The following RASGEF1A variants were observed in gnomAD, a reference collection of about 807,000 sequenced individuals.
RASGEF1A encodes RasGEF domain family member 1A, also known as ras-GEF domain-containing family member 1A.
A neutral mutation model predicts 56.4 loss-of-function variants in RASGEF1A; 18 were observed. The observed-to-expected ratio is 0.32, with a 90% confidence interval of 0.22 to 0.47. The LOEUF is 0.47. RASGEF1A is among the 20% of genes least tolerant of loss of function. The pLI, the probability that RASGEF1A is intolerant of heterozygous loss-of-function variation, is 1.00. For missense variants in RASGEF1A, 422 were observed against 627.1 expected, an observed-to-expected ratio of 0.67 and a Z score of 3.49; for synonymous variants, 245 against 242.6, an observed-to-expected ratio of 1.01 and a Z score of -0.09.
intron 1 of RASGEF1A, among the ~76,000 whole-genome samples, chr10:43,264,881 T>C (rs1466405909): frequency 6.6e-6 from 1 of 152,136 alleles, no homozygotes; most frequent in African/African-American, 2.4e-5. Context: ...GCACCTTCAC[T>C]TGACCTATTT....
intron 1 of RASGEF1A, among the ~76,000 whole-genome samples, chr10:43,259,855 G>A (rs907586537): frequency 3.9e-5 from 6 of 152,100 alleles, no homozygotes; most frequent in Admixed American, 3.3e-4. Flanking sequence ...CACACAGGCA[G>A]GGGAAACCAC....
At chr10:43,253,359 T>A (rs757166626) in intron 1 of RASGEF1A, among the ~76,000 whole-genome samples, 1 of 152,218 alleles carries the variant, frequency 6.6e-6, no homozygotes, top group East Asian at 1.9e-4. Flanking sequence ...AGAGTGGGTA[T>A]GGCCCCCAAA....
chr10:43,264,215 G>C (rs1377643823), intron 1 of RASGEF1A, among the ~76,000 whole-genome samples: 1 of 151,654 alleles, frequency 6.6e-6, no homozygotes, highest in Non-Finnish European at 1.5e-5. Flanking sequence ...TTCTGCATGG[G>C]TTCCTGGCAG....
intron 1 of RASGEF1A, among the ~76,000 whole-genome samples, chr10:43,245,214 TC>T (rs199662128): frequency 0.011 from 1,703 of 152,220 alleles, 35 homozygotes; most frequent in African/African-American, 0.039. Flanking sequence ...ATGGGAAAAT[TC>T]CTAGAGAAAC....
intron 1 of RASGEF1A, among the ~76,000 whole-genome samples, chr10:43,245,308 A>C (rs1185328351): frequency 6.6e-6 from 1 of 152,188 alleles, no homozygotes; most frequent in Non-Finnish European, 1.5e-5. Flanking sequence ...CTTGCCCACA[A>C]AGAAAAGCCC....
chr10:43,252,459 G>A (rs540037368), intron 1 of RASGEF1A, among the ~76,000 whole-genome samples: 2 of 152,128 alleles, frequency 1.3e-5, no homozygotes, highest in South Asian at 2.1e-4. Flanking sequence ...GCCGGGGCTC[G>A]GCATCCAGCA....
chr10:43,214,298 C>T (rs1334372308), intron 1 of RASGEF1A, among the ~76,000 whole-genome samples: 2 of 152,226 alleles, frequency 1.3e-5, no homozygotes, highest in African/African-American at 4.8e-5. Flanking sequence ...TCACTTTCCA[C>T]TCCCGAATGT....
At chr10:43,200,052 T>A in intron 6 of RASGEF1A, 130 bp downstream of exon 6, 1 of 739,646 alleles carries the variant, frequency 1.4e-6, no homozygotes, top group Non-Finnish European at 2.3e-6. Flanking sequence ...GCCACATCCA[T>A]CGGGGCTCAT....
intron 1 of RASGEF1A, among the ~76,000 whole-genome samples, chr10:43,251,718 G>A (rs982695268): frequency 6.6e-6 from 1 of 152,128 alleles, no homozygotes; most frequent in African/African-American, 2.4e-5. Flanking sequence ...CTGTCCAGAC[G>A]GTTGGGAATC....
At chr10:43,253,820 C>G (rs931381140) in intron 1 of RASGEF1A, among the ~76,000 whole-genome samples, 4 of 152,240 alleles carry the variant, frequency 2.6e-5, no homozygotes, top group Non-Finnish European at 4.4e-5. Flanking sequence ...ACCTACTGGC[C>G]GAGATAAGAA....
chr10:43,203,497 G>C (rs992880461), intron 2 of RASGEF1A, 77 bp from the exon 3 acceptor site: 2 of 1,446,526 alleles, frequency 1.4e-6, no homozygotes, highest in South Asian at 2.8e-5. Flanking sequence ...GCTTCACCTG[G>C]CCCGGCTGCC....
At chr10:43,242,290 T>A (rs1363144775) in intron 1 of RASGEF1A, among the ~76,000 whole-genome samples, 1 of 152,204 alleles carries the variant, frequency 6.6e-6, no homozygotes, top group Non-Finnish European at 1.5e-5. Context: ...TATTTTATAA[T>A]GATTAAAGGG....
At chr10:43,230,034 G>C (rs990244717) in intron 1 of RASGEF1A, among the ~76,000 whole-genome samples, 1 of 151,962 alleles carries the variant, frequency 6.6e-6, no homozygotes, top group Admixed American at 6.6e-5. Flanking sequence ...GGGCGTCCGG[G>C]ATCGGCCGTG....
intron 2 of RASGEF1A, among the ~76,000 whole-genome samples, chr10:43,204,400 T>G (rs1257673308): frequency 2.6e-5 from 4 of 152,110 alleles, no homozygotes; most frequent in Admixed American, 1.3e-4. Flanking sequence ...CATCAGGGAC[T>G]CCTCTAACAT....
intron 1 of RASGEF1A, among the ~76,000 whole-genome samples, chr10:43,230,602 C>T (rs962099515): frequency 2.6e-5 from 4 of 152,288 alleles, no homozygotes; most frequent in Admixed American, 6.5e-5. Context: ...GCGGGGCGGC[C>T]GCTAGGGAGG....
chr10:43,255,329 C>T (rs1015709000), intron 1 of RASGEF1A, among the ~76,000 whole-genome samples: 3 of 152,186 alleles, frequency 2.0e-5, no homozygotes, highest in African/African-American at 7.2e-5. Flanking sequence ...GCCCCACCCA[C>T]TGCCATCTGG....
intron 1 of RASGEF1A, among the ~76,000 whole-genome samples, chr10:43,241,339 T>G (rs1424852209): frequency 2.6e-5 from 4 of 152,154 alleles, no homozygotes. Context: ...AAGTATAGAT[T>G]GATGAGCACA....
chr10:43,216,420 C>T (rs1006324625), intron 1 of RASGEF1A, among the ~76,000 whole-genome samples: 3 of 152,216 alleles, frequency 2.0e-5, no homozygotes, highest in Non-Finnish European at 4.4e-5. Context: ...GGGTCCTCAC[C>T]TTACCCTGCG....
chr10:43,197,229 G>T, intron 10 of RASGEF1A, 130 bp from the exon 11 acceptor site: 3 of 1,073,956 alleles, frequency 2.8e-6, no homozygotes, highest in Non-Finnish European at 4.0e-6. Context: ...TGGGACAGTG[G>T]CCCTGCACGC....
Sources: allele counts gnomAD v4.1 joint callset (sites outside exome capture counted in the v4.1 genomes callset), GRCh38; gene constraint gnomAD v4.1.1; transcripts MANE v1.5; gene names NCBI Gene and HGNC (gene_info 2026-07-23, HGNC 2026-07-21).